The following SNAP25 variants were observed in gnomAD, a reference collection of about 807,000 sequenced individuals.
SNAP25 encodes the protein synaptosomal-associated protein 25.
A neutral mutation model predicts 28.7 loss-of-function variants in SNAP25; 3 were observed. The observed-to-expected ratio is 0.10, with a 90% CI of 0.05 to 0.27. The LOEUF is 0.27. Among genes scored for constraint, SNAP25 ranks in the 10% least tolerant of loss-of-function variants. The pLI, the probability that SNAP25 is intolerant of heterozygous loss-of-function variation, is 1.00. For missense variants in SNAP25, 117 were observed against 278.7 expected (o/e 0.42, Z 4.13); for synonymous variants, 61 against 88.1 (o/e 0.69, Z 1.72).
chr20:10,222,703 G>C (rs2062655898), intron 1 of SNAP25, among the ~76,000 whole-genome samples: 1 of 152,148 alleles, frequency 6.6e-6, no homozygotes, highest in Non-Finnish European at 1.5e-5. Flanking sequence ...GATTTAATTT[G>C]CATTCTTCCA....
chr20:10,252,633 A>T (rs1288117073), intron 1 of SNAP25, among the ~76,000 whole-genome samples: 1 of 152,194 alleles, frequency 6.6e-6, no homozygotes, highest in African/African-American at 2.4e-5. Context: ...TGTTCTTTAT[A>T]CTTCAATAAA....
chr20:10,275,851 T>G (rs2063683044), intron 2 of SNAP25, among the ~76,000 whole-genome samples: 1 of 152,196 alleles, frequency 6.6e-6, no homozygotes, highest in Non-Finnish European at 1.5e-5. Flanking sequence ...CTTAATTCAG[T>G]GCTATGCTGG....
At chr20:10,261,505 A>AT (rs1348706237) in intron 1 of SNAP25, among the ~76,000 whole-genome samples, 1 of 152,216 alleles carries the variant, frequency 6.6e-6, no homozygotes, top group African/African-American at 2.4e-5. Flanking sequence ...ATAGCAATGA[A>AT]TTCCCCAGCA....
intron 5 of SNAP25, among the ~76,000 whole-genome samples, chr20:10,294,747 C>T (rs1037208129): frequency 7.3e-5 from 11 of 151,518 alleles, no homozygotes; most frequent in African/African-American, 2.4e-4. Flanking sequence ...CAAAACTTTC[C>T]TCCATGGCCC....
intron 1 of SNAP25, among the ~76,000 whole-genome samples, chr20:10,229,030 A>T (rs772183116): frequency 6.6e-6 from 1 of 152,108 alleles, no homozygotes; most frequent in Non-Finnish European, 1.5e-5. Context: ...CATGTTTCTC[A>T]GGGTAATGTT....
rs2063714956 is a variant in SNAP25 at position 10,277,733 on chromosome 20, A to G, written c.114+7A>G. 2 of 1,612,962 alleles carry G rather than the reference A, an allele frequency of 1.2e-6. No homozygotes were observed. The highest frequency in any genetic ancestry group is 2.7e-5 in the African/African-American group (2 of 74,914). ...GCTGCAACTGGTTGAAGAGGTAAGA[A>G]GTGACAGTATTTTAAGATAAAGGAA... is the stretch of plus-strand genomic sequence containing the variant. On this transcript the variant is annotated splice_region_variant and intron_variant, in intron 3 of 7. Coordinates refer to ENST00000254976, the MANE Select transcript of SNAP25 (RefSeq NM_130811.4).
At chr20:10,272,271 T>A (rs1464876910) in intron 1 of SNAP25, among the ~76,000 whole-genome samples, 1 of 152,140 alleles carries the variant, frequency 6.6e-6, no homozygotes, top group Non-Finnish European at 1.5e-5. Context: ...AACAACCCCA[T>A]GAGATTGGCA....
chr20:10,258,960 C>T (rs1024082952), intron 1 of SNAP25, among the ~76,000 whole-genome samples: 2 of 152,182 alleles, frequency 1.3e-5, no homozygotes, highest in Non-Finnish European at 2.9e-5. Flanking sequence ...AGAAACCCTG[C>T]AGTGAATTCA....
intron 1 of SNAP25, among the ~76,000 whole-genome samples, chr20:10,265,772 C>G (rs572378925): frequency 6.6e-6 from 1 of 152,260 alleles, no homozygotes; most frequent in East Asian, 1.9e-4. Context: ...GAGTCACCCC[C>G]AAGGTGGGAA....
In SNAP25 at chr20:10,283,405, G is replaced by A. The variant is rs536090434; in HGVS notation, c.115-1319G>A. Among the ~76,000 whole-genome samples, 158 of 152,270 alleles carry A rather than the reference G, an allele frequency of 1.0e-3. 1 individual carries two copies. The highest frequency in any genetic ancestry group is 3.4e-3 in the African/African-American group (140 of 41,552). ...CCCAGAGTCTGTCTCCACAGTCTGC[G>A]CTGTCAAGGACTCCTGAGGCCACCC... is the stretch of plus-strand genomic sequence containing the variant. On this transcript the variant is annotated intron_variant, in intron 3 of 7. Transcript: ENST00000254976.
At position 10,255,058 on chromosome 20, in the gene SNAP25, C is replaced by A. The variant is rs543822281; in HGVS notation, c.-63-20371C>A. 1.8e-4 allele frequency among the ~76,000 whole-genome samples: 28 copies of A among 152,274 alleles called. No homozygotes were observed. In the South Asian group the frequency reaches 5.6e-3, roughly 31 times the overall value. On this transcript the variant is annotated intron_variant, in intron 1 of 7. Transcript: ENST00000254976. ...GGTACTTGAAATGATATAGAGGGAT[C>A]CCTTCTCCCCAAGCCATCAGGGCAG... is the stretch of plus-strand genomic sequence containing the variant.
chr20:10,255,949 C>A (rs1024620251), intron 1 of SNAP25, among the ~76,000 whole-genome samples: 1 of 152,080 alleles, frequency 6.6e-6, no homozygotes, highest in African/African-American at 2.4e-5. Context: ...GTAAAAAAAC[C>A]TTTATGCATA....
At chr20:10,261,626 C>T (rs552587394) in intron 1 of SNAP25, among the ~76,000 whole-genome samples, 40 of 152,206 alleles carry the variant, frequency 2.6e-4, no homozygotes, top group Non-Finnish European at 5.1e-4. Context: ...ATTAAACAAA[C>T]ATAATTAGCC....
At position 10,262,025 on chromosome 20, in the gene SNAP25, T is replaced by C. The variant is rs1015249389; in HGVS notation, c.-63-13404T>C. Among the ~76,000 whole-genome samples, 14 of 152,198 alleles carry C rather than the reference T, an allele frequency of 9.2e-5. No homozygotes were observed. The East Asian group carries it at 9.6e-4, about 10-fold the overall frequency. ...TCTTTGATAAATACCATACAGCTCATGTGCCTGCTTTTAATTCAGGAGAGA... is the reference window on the plus strand; with the variant it reads ...TCTTTGATAAATACCATACAGCTCACGTGCCTGCTTTTAATTCAGGAGAGA... On this transcript the variant is annotated intron_variant, in intron 1 of 7. Transcript: ENST00000254976.
intron 3 of SNAP25, among the ~76,000 whole-genome samples, chr20:10,281,500 A>G (rs1448952884): frequency 6.6e-6 from 1 of 152,102 alleles, no homozygotes; most frequent in South Asian, 2.1e-4. Context: ...TACATTACCT[A>G]ATTTAATCTT....
intron 5 of SNAP25, among the ~76,000 whole-genome samples, chr20:10,295,688 C>CAAA (rs33935419): frequency 1.5e-4 from 22 of 151,256 alleles, no homozygotes; most frequent in South Asian, 6.3e-4. Context: ...TGGTGTCTTA[C>CAAA]AAAAAAAAAT....
rs2064049702 is a variant in SNAP25, at chr20:10,293,853, A to G, written c.281+575A>G. On this transcript the variant is annotated intron_variant, in intron 5 of 7. Coordinates refer to ENST00000254976, the MANE Select transcript of SNAP25 (RefSeq NM_130811.4). This position sits in a 1 kb window ranked among gnomAD's most constrained non-coding sequence, Gnocchi z 5.6. The stretch of plus-strand genomic sequence containing the variant: ...TGAGCTCTTCAGCAAGAAGTGCTCA[A>G]GCCTTACTCAAATTGGACCCATCCC... 6.6e-6 allele frequency among the ~76,000 whole-genome samples: 1 copy of G among 152,248 alleles called. No homozygotes were observed. The highest frequency in any genetic ancestry group is 6.5e-5 in the Admixed American group (1 of 15,290).
intron 1 of SNAP25, among the ~76,000 whole-genome samples, chr20:10,251,478 G>T (rs1367889437): frequency 2.0e-5 from 3 of 152,132 alleles, no homozygotes; most frequent in African/African-American, 7.2e-5. Flanking sequence ...TGATATTATG[G>T]CAAAAGAAAT....
intron 1 of SNAP25, among the ~76,000 whole-genome samples, chr20:10,243,681 C>T (rs1203266548): frequency 6.6e-6 from 1 of 152,116 alleles, no homozygotes; most frequent in Non-Finnish European, 1.5e-5. Context: ...GTGGCCTACT[C>T]ATCATTTCAT....
Sources: allele counts gnomAD v4.1 joint callset (sites outside exome capture counted in the v4.1 genomes callset), GRCh38; gene constraint gnomAD v4.1.1; non-coding constraint Gnocchi (gnomAD v3.1); transcripts MANE v1.5; gene names NCBI Gene and HGNC (gene_info 2026-07-23, HGNC 2026-07-21).